The following GALNT13 variants were observed in gnomAD, a reference collection of about 807,000 sequenced individuals.
The protein encoded by GALNT13 is polypeptide N-acetylgalactosaminyltransferase 13.
A neutral mutation model predicts 64.2 loss-of-function variants in GALNT13; 28 were observed. The ratio of observed to expected loss-of-function variants is 0.44; its 90% CI spans 0.32 to 0.60. The LOEUF is 0.60. GALNT13 is among the 20% of genes least tolerant of loss of function. The pLI is 0.05. For synonymous variants in GALNT13, 214 were observed against 224.6 expected, an observed-to-expected ratio of 0.95 and a Z score of 0.42; for missense variants, 577 against 669.8, an observed-to-expected ratio of 0.86 and a Z score of 1.53.
chr2:153,444,675 C>T, the GALNT13 span, among the ~76,000 whole-genome samples: 1 of 152,182 alleles, frequency 6.6e-6, no homozygotes, highest in East Asian at 1.9e-4. Flanking sequence ...TTTGGCATAT[C>T]ATATAAATGA....
the GALNT13 span, among the ~76,000 whole-genome samples, chr2:153,642,006 A>G: frequency 2.0e-5 from 3 of 151,976 alleles, no homozygotes; most frequent in East Asian, 5.8e-4. Flanking sequence ...TAAATTATCA[A>G]ACTTAGAGTT....
intron 4 of GALNT13, among the ~76,000 whole-genome samples, chr2:154,165,015 A>T (rs1050176137): frequency 1.3e-5 from 2 of 152,110 alleles, no homozygotes; most frequent in Admixed American, 1.3e-4. Context: ...CTGTTTGAAA[A>T]ACTGAAATCA....
rs186350311 is a variant in GALNT13, at chr2:154,365,706, G to A, written c.1157-30285G>A. On this transcript the variant is annotated intron_variant, in intron 9 of 12. Transcript: ENST00000392825. ...GAAAGTGGCTTAAGTCATCGACTTA[G>A]GATTCCATTGTCTGCATTCTTTCCT... Among the ~76,000 whole-genome samples the A allele has an allele frequency of 3.8e-4, 58 of 152,298 alleles. 1 individual carries two copies. The highest frequency in any genetic ancestry group is 3.4e-3 in the Middle Eastern group (1 of 294).
the GALNT13 span, among the ~76,000 whole-genome samples, chr2:153,300,079 C>T: frequency 5.9e-5 from 9 of 152,252 alleles, no homozygotes; most frequent in South Asian, 1.9e-3. Flanking sequence ...TAGGAAACAG[C>T]TAATGTGTTC....
intron 8 of GALNT13, among the ~76,000 whole-genome samples, chr2:154,298,451 TTATA>T (rs966957191): frequency 7.4e-6 from 1 of 135,988 alleles, no homozygotes. Context: ...TATATATAAT[TTATA>T]TATACATATA....
At chr2:153,638,136 G>GT in the GALNT13 span, among the ~76,000 whole-genome samples, 1 of 152,120 alleles carries the variant, frequency 6.6e-6, no homozygotes, top group Non-Finnish European at 1.5e-5. Flanking sequence ...TATAATGTAT[G>GT]TTTGGGGTGG....
chr2:153,864,074 T>G, the GALNT13 span, among the ~76,000 whole-genome samples: 1 of 152,210 alleles, frequency 6.6e-6, no homozygotes, highest in Non-Finnish European at 1.5e-5. Flanking sequence ...GTTTATGAAT[T>G]CTGGACAGTA....
chr2:154,107,357 G>A (rs1702676916), intron 3 of GALNT13, among the ~76,000 whole-genome samples: 1 of 152,102 alleles, frequency 6.6e-6, no homozygotes, highest in Non-Finnish European at 1.5e-5. Context: ...CACTTTGGGA[G>A]GCTGAGGTGG....
At chr2:153,132,410 C>A in the GALNT13 span, among the ~76,000 whole-genome samples, 2 of 152,150 alleles carry the variant, frequency 1.3e-5, no homozygotes, top group South Asian at 2.1e-4. Flanking sequence ...TTTAAAGTGA[C>A]CCTAGGACTT....
chr2:154,441,359 C>G (rs913766543), intron 12 of GALNT13, among the ~76,000 whole-genome samples: 1 of 152,076 alleles, frequency 6.6e-6, no homozygotes, highest in African/African-American at 2.4e-5. Flanking sequence ...AAAGTAAATG[C>G]GCACTGCTTA....
At chr2:153,314,921 A>G in the GALNT13 span, among the ~76,000 whole-genome samples, 33 of 152,090 alleles carry the variant, frequency 2.2e-4, no homozygotes, top group Non-Finnish European at 4.1e-4. Flanking sequence ...GTAAAGATTA[A>G]ATAAATGAAA....
chr2:154,215,029 T>C (rs1024543972), intron 4 of GALNT13, among the ~76,000 whole-genome samples: 5 of 152,192 alleles, frequency 3.3e-5, no homozygotes, highest in Non-Finnish European at 2.9e-5. Flanking sequence ...GTAGTATATG[T>C]AAGCCAAAAG....
chr2:154,395,215 T>C (rs1699000790), intron 9 of GALNT13, among the ~76,000 whole-genome samples: 1 of 152,220 alleles, frequency 6.6e-6, no homozygotes, highest in South Asian at 2.1e-4. Flanking sequence ...CCAATATTAA[T>C]ATTGAGCAAA....
the GALNT13 span, among the ~76,000 whole-genome samples, chr2:153,431,719 T>G: frequency 6.6e-6 from 1 of 152,236 alleles, no homozygotes; most frequent in South Asian, 2.1e-4. Context: ...ATGGAGAGGG[T>G]TTGCCTTTTT....
At chr2:154,080,741 A>C (rs1262748774) in intron 3 of GALNT13, among the ~76,000 whole-genome samples, 1 of 151,622 alleles carries the variant, frequency 6.6e-6, no homozygotes, top group Non-Finnish European at 1.5e-5. Context: ...TTCAAATAAT[A>C]TTATCAATGC....
intron 3 of GALNT13, among the ~76,000 whole-genome samples, chr2:154,110,699 G>A (rs1003026573): frequency 1.3e-5 from 2 of 151,902 alleles, no homozygotes; most frequent in African/African-American, 4.8e-5. Context: ...TGACTCAAAT[G>A]TTAATCTCCT....
intron 9 of GALNT13, among the ~76,000 whole-genome samples, chr2:154,374,654 T>C (rs912249929): frequency 3.3e-5 from 5 of 152,338 alleles, no homozygotes; most frequent in African/African-American, 9.6e-5. Flanking sequence ...TCATTAGTTA[T>C]GACTTGTAAA....
the GALNT13 span, among the ~76,000 whole-genome samples, chr2:153,696,077 T>C: frequency 6.6e-6 from 1 of 152,092 alleles, no homozygotes; most frequent in African/African-American, 2.4e-5. Context: ...AGTCCCACAA[T>C]AGGCCATCTG....
At position 154,156,211 on chromosome 2, in the gene GALNT13, A is replaced by G. The variant is rs144284801; in HGVS notation, c.311+15706A>G. ...AAATGGAAAGATCAAATAGAATGTG[A>G]TTGTTTTATCATCATACTATATAAA... On this transcript the variant is annotated intron_variant, in intron 4 of 12. Transcript: ENST00000392825. 2.0e-3 allele frequency among the ~76,000 whole-genome samples: 297 copies of G among 152,140 alleles called. 1 individual carries two copies. Among genetic ancestry groups the G allele is most frequent in the African/African-American group, 7.1e-3 (294 of 41,558 alleles).
Sources: gnomAD v4.1 joint callset for allele counts (sites outside exome capture counted in the v4.1 genomes callset) on GRCh38, gnomAD v4.1.1 for gene constraint, MANE v1.5 for transcripts, NCBI Gene and HGNC (gene_info 2026-07-23, HGNC 2026-07-21) for gene names.